The following PIGN variants were observed in gnomAD, a reference collection of about 807,000 sequenced individuals.
The protein encoded by PIGN is phosphatidylinositol glycan anchor biosynthesis class N.
A neutral mutation model predicts 125.4 loss-of-function variants in PIGN; 117 were observed. The ratio of observed to expected loss-of-function variants is 0.93; its 90% CI spans 0.80 to 1.09. PIGN has a LOEUF of 1.09. Among genes scored for constraint, PIGN ranks in the 50% least tolerant of loss-of-function variants. The pLI, the probability that PIGN is intolerant of heterozygous loss-of-function variation, is 0.00. For missense variants in PIGN, 1,075 were observed against 1,094.9 expected, an observed-to-expected ratio of 0.98 and a Z score of 0.26; for synonymous variants, 392 against 377.8, an observed-to-expected ratio of 1.04 and a Z score of -0.44.
intron 6 of PIGN, among the ~76,000 whole-genome samples, chr18:62,155,477 A>G (rs879422987): frequency 7.9e-5 from 12 of 152,096 alleles, no homozygotes; most frequent in Non-Finnish European, 1.6e-4. Context: ...GCTGAGGCAG[A>G]AGAATCGCTT....
chr18:62,027,939 A>C (rs2030145556), intron 23 of PIGN, among the ~76,000 whole-genome samples: 1 of 152,176 alleles, frequency 6.6e-6, no homozygotes, highest in Admixed American at 6.5e-5. Flanking sequence ...GAAAGAAAAG[A>C]AAAGAAAAAG....
intron 23 of PIGN, among the ~76,000 whole-genome samples, chr18:62,093,972 C>T (rs1183090340): frequency 1.3e-5 from 2 of 151,958 alleles, no homozygotes; most frequent in African/African-American, 4.8e-5. Flanking sequence ...TAATGTATCT[C>T]TTAATGAATT....
chr18:62,026,417 T>A (rs944161318), intron 23 of PIGN, among the ~76,000 whole-genome samples: 1 of 152,190 alleles, frequency 6.6e-6, no homozygotes, highest in African/African-American at 2.4e-5. Flanking sequence ...TTAGCCCACC[T>A]TGAATTTCAA....
chr18:62,032,471 C>T (rs541784150), intron 23 of PIGN, among the ~76,000 whole-genome samples: 121 of 152,292 alleles, frequency 7.9e-4, no homozygotes, highest in Admixed American at 1.4e-3. Context: ...ACTGCACACA[C>T]GTAGTCAACT....
rs149845440 is a variant in PIGN at position 62,102,338 on chromosome 18, A to G, written c.1968+456T>C. Among the ~76,000 whole-genome samples the G allele has an allele frequency of 1.6e-3, 231 of 148,454 alleles. 1 individual carries two copies. Among genetic ancestry groups the G allele is most frequent in the African/African-American group, 5.4e-3 (215 of 40,054 alleles). ...GGAACTGACTCAATTTTGAAACATC[A>G]AGTTCAAAGTTATTTTCACCACACC... On this transcript the variant is annotated intron_variant, in intron 21 of 30. Transcript: ENST00000640252.
chr18:62,114,469 G>T (rs1599553898), intron 15 of PIGN, 92 bp downstream of exon 15: 1 of 748,944 alleles, frequency 1.3e-6, no homozygotes, highest in Non-Finnish European at 2.3e-6. Flanking sequence ...GCTCAAGAAA[G>T]CTCCCTGGCC....
chr18:62,103,205 A>G (rs1369721555), intron 20 of PIGN, among the ~76,000 whole-genome samples: 1 of 152,212 alleles, frequency 6.6e-6, no homozygotes, highest in Non-Finnish European at 1.5e-5. Context: ...TTTTAGGCAT[A>G]TCAAATACTA....
chr18:62,132,688 AT>A (rs2035784007), intron 14 of PIGN, among the ~76,000 whole-genome samples: 1 of 152,202 alleles, frequency 6.6e-6, no homozygotes, highest in Non-Finnish European at 1.5e-5. Context: ...TTAAAAAAAA[AT>A]GATAAAATAA....
intron 16 of PIGN, among the ~76,000 whole-genome samples, chr18:62,112,406 T>C (rs2034915021): frequency 6.6e-6 from 1 of 152,112 alleles, no homozygotes. Context: ...TTAAAGAGAA[T>C]GAAGCAAAGG....
downstream of PIGN, among the ~76,000 whole-genome samples, chr18:62,040,476 C>G (rs973687645): frequency 1.8e-4 from 27 of 152,148 alleles, no homozygotes; most frequent in Non-Finnish European, 4.4e-5. Context: ...CATGATTAGA[C>G]TGGGTTTATG....
intron 1 of PIGN, among the ~76,000 whole-genome samples, chr18:62,167,094 T>C (rs1260022033): frequency 2.0e-5 from 3 of 152,072 alleles, no homozygotes; most frequent in Non-Finnish European, 4.4e-5. Context: ...ATTTATTTAG[T>C]GTATCTCTTC....
At chr18:62,057,165 T>TAGAGCA (rs745656705) in intron 30 of PIGN, among the ~76,000 whole-genome samples, 1 of 152,148 alleles carries the variant, frequency 6.6e-6, no homozygotes, top group South Asian at 2.1e-4. Context: ...GAGCATATCC[T>TAGAGCA]TTACCACACA....
rs1855518370 is a variant in PIGN at position 62,026,100 on chromosome 18, G to A, written c.2143-8359C>T. Among the ~76,000 whole-genome samples the A allele has an allele frequency of 2.0e-5, 3 of 152,152 alleles. No homozygotes were observed. In the South Asian group the frequency reaches 6.2e-4, roughly 32 times the overall value. ...TTGTAATATCACTCACATTGTGATA[G>A]CTCAGTTATTCCTTTATAAATCCCG... On this transcript the variant is annotated intron_variant, in intron 23 of 24. Transcript: ENST00000639600.
chr18:62,039,412 C>T (rs1451839641), downstream of PIGN, among the ~76,000 whole-genome samples: 2 of 152,176 alleles, frequency 1.3e-5, no homozygotes, highest in Admixed American at 6.5e-5. Context: ...ATTCAGATTT[C>T]CTTAGTTTTT....
intron 23 of PIGN, among the ~76,000 whole-genome samples, chr18:62,031,565 T>C (rs1253976696): frequency 1.3e-5 from 2 of 151,842 alleles, no homozygotes; most frequent in Admixed American, 1.3e-4. Flanking sequence ...AGAAGCACAG[T>C]ATTCCTAAAA....
Position 62,115,628 on chromosome 18 carries a change from T to C in PIGN, c.1173-989A>G, listed in dbSNP as rs185754173. On this transcript the variant is annotated intron_variant, in intron 14 of 30. Transcript: ENST00000640252. ...TCTGAAGAGATAGGACTGAGACTTG[T>C]ACAAAGTAAATCTTTTAAGCAGTAA... 1.1e-4 allele frequency among the ~76,000 whole-genome samples: 16 copies of C among 139,654 alleles called. No individual in the cohort carries two copies. In the East Asian group the frequency reaches 2.1e-3, roughly 18 times the overall value. 91.6% of individuals were successfully genotyped at this position (139,654 alleles called of 152,430 possible). A position where few individuals can be genotyped will look rare whatever the true frequency, so the allele number is the denominator to read the frequency against.
chr18:62,107,192 A>T (rs1475462910), intron 17 of PIGN, 107 bp from the exon 18 acceptor site: 3 of 724,186 alleles, frequency 4.1e-6, no homozygotes, highest in Non-Finnish European at 7.2e-6. Flanking sequence ...CCATTTATAG[A>T]TTATTCAAAA....
In PIGN at chr18:62,138,308, A is replaced by C; in HGVS notation, c.1117-10T>G. On this transcript the variant is annotated splice_polypyrimidine_tract_variant and intron_variant, in intron 13 of 30. Transcript: ENST00000640252. ...TCTGAGTCATTTTCACCTGGGAACCAAGTATGAAAATATTACAAATGAGAA... is the reference window on the plus strand; with the variant it reads ...TCTGAGTCATTTTCACCTGGGAACCCAGTATGAAAATATTACAAATGAGAA... 6.5e-7 allele frequency: 1 copy of C among 1,531,556 alleles called. No homozygotes were observed. The highest frequency in any genetic ancestry group is 8.8e-7 in the Non-Finnish European group (1 of 1,137,846). The allele number at this position is 1,531,556 out of a possible 1,614,324, so 94.9% of individuals were successfully genotyped here.
chr18:62,020,855 G>C (rs1019112970), intron 23 of PIGN, among the ~76,000 whole-genome samples: 2 of 151,810 alleles, frequency 1.3e-5, no homozygotes, highest in Non-Finnish European at 2.9e-5. Context: ...CAGCTACTCG[G>C]GAGACTGAGG....
Sources: allele counts gnomAD v4.1 joint callset (sites outside exome capture counted in the v4.1 genomes callset), GRCh38; gene constraint gnomAD v4.1.1; transcripts MANE v1.5; gene names NCBI Gene and HGNC (gene_info 2026-07-23, HGNC 2026-07-21).